Variants in ARMC9 observed in about 807,000 individuals in gnomAD.
ARMC9 encodes armadillo repeat containing 9.
Under a neutral mutation model 107.0 loss-of-function variants are expected in ARMC9, and 94 were observed. The observed-to-expected ratio is 0.88, with a 90% CI of 0.74 to 1.04. The LOEUF is 1.04. ARMC9 is among the 50% of genes least tolerant of loss of function. The pLI is 0.00. For missense variants in ARMC9, 942 were observed against 1,030.1 expected, an observed-to-expected ratio of 0.91 and a Z score of 1.17; for synonymous variants, 380 against 396.9, an observed-to-expected ratio of 0.96 and a Z score of 0.51.
chr2:231,289,413 T>C (rs1318288427), intron 17 of ARMC9, among the ~76,000 whole-genome samples: 1 of 152,194 alleles, frequency 6.6e-6, no homozygotes, highest in African/African-American at 2.4e-5. Context: ...GTTGCAGTGA[T>C]CAGAGATCGT....
At chr2:231,316,597 G>A (rs796202358) in intron 19 of ARMC9, among the ~76,000 whole-genome samples, 23 of 150,638 alleles carry the variant, frequency 1.5e-4, no homozygotes, top group African/African-American at 4.4e-4. Flanking sequence ...GAATTGAGGC[G>A]GAGGTTGCAA....
chr2:231,270,417 C>T (rs1181506203), intron 12 of ARMC9: 1 of 349,284 alleles, frequency 2.9e-6, no homozygotes, highest in Non-Finnish European at 5.6e-6. Context: ...CTTTATTTTT[C>T]TTCAGCTCTT....
chr2:231,249,083 C>T (rs572047104), intron 9 of ARMC9, among the ~76,000 whole-genome samples: 12 of 152,320 alleles, frequency 7.9e-5, no homozygotes, highest in South Asian at 6.2e-4. Flanking sequence ...GCCTCATCTT[C>T]AGGGGCTCAC....
intron 9 of ARMC9, 151 bp downstream of exon 9, chr2:231,240,192 A>G (rs1197957251): frequency 1.4e-6 from 1 of 723,670 alleles, no homozygotes; most frequent in African/African-American, 1.8e-5. Context: ...AGGAAAATAA[A>G]TCTGTTTTTG....
intron 1 of ARMC9, among the ~76,000 whole-genome samples, chr2:231,205,109 T>C (rs1255125139): frequency 6.6e-6 from 1 of 151,748 alleles, no homozygotes; most frequent in Admixed American, 6.6e-5. Flanking sequence ...GGCTCACGCC[T>C]ATAATCCCAG....
chr2:231,342,181 T>C (rs73994574), intron 20 of ARMC9, among the ~76,000 whole-genome samples: 9,266 of 152,296 alleles, frequency 0.061, 460 homozygotes, highest in African/African-American at 0.13. Flanking sequence ...GGGAAGCAGC[T>C]GCACTGCCAG....
In ARMC9 at chr2:231,360,618, C is replaced by G; in HGVS notation, c.2132-136C>G. 1 of 1,387,356 alleles carries G rather than the reference C, an allele frequency of 7.2e-7. No homozygotes were observed. Among genetic ancestry groups the G allele is most frequent in the African/African-American group, 1.4e-5 (1 of 69,540 alleles). 85.9% of individuals were successfully genotyped at this position (1,387,356 alleles called of 1,614,324 possible). On this transcript the variant is annotated intron_variant, in intron 22 of 24. Coordinates refer to ENST00000611582, the MANE Select transcript of ARMC9 (RefSeq NM_001352754.2). This position sits in a 1 kb window ranked among gnomAD's most constrained non-coding sequence, Gnocchi z 4.7. Reference sequence around the variant, plus strand: ...TGCACGAGTAAACAAGTATCCCAAGCCACAGGCGCCAGGGAGCCCGCAGGG... The same window carrying G: ...TGCACGAGTAAACAAGTATCCCAAGGCACAGGCGCCAGGGAGCCCGCAGGG...
At chr2:231,329,472 G>A (rs1056376350) in intron 19 of ARMC9, among the ~76,000 whole-genome samples, 2 of 152,084 alleles carry the variant, frequency 1.3e-5, no homozygotes, top group African/African-American at 2.4e-5. Flanking sequence ...ACCACGCCCA[G>A]CTAATTTTGT....
At chr2:231,244,028 C>G (rs144729314) in intron 9 of ARMC9, among the ~76,000 whole-genome samples, 2 of 152,234 alleles carry the variant, frequency 1.3e-5, no homozygotes, top group East Asian at 3.9e-4. Context: ...CTTCATAGAG[C>G]GGTCTTGGGT....
intron 8 of ARMC9, among the ~76,000 whole-genome samples, chr2:231,239,079 T>C (rs1480749199): frequency 1.3e-5 from 2 of 152,168 alleles, no homozygotes; most frequent in Admixed American, 6.6e-5. Context: ...CTATTTTCAA[T>C]TATCATGCCT....
rs1285695552 is a variant in ARMC9, at chr2:231,360,682, C to T, written c.2132-72C>T. On this transcript the variant is annotated intron_variant, in intron 22 of 24. Transcript: ENST00000611582. The surrounding 1 kb of genome is among the most constrained non-coding windows in gnomAD (Gnocchi z 4.7). Reference sequence around the variant, plus strand: ...GCGTGCTTTTCTTGGCTTTCCAACCCAGCCCACGAGAGGGCATCCTTAGAG... The same window carrying T: ...GCGTGCTTTTCTTGGCTTTCCAACCTAGCCCACGAGAGGGCATCCTTAGAG... 1 of 1,534,900 alleles carries T rather than the reference C, an allele frequency of 6.5e-7. No homozygotes were observed. Among genetic ancestry groups the T allele is most frequent in the East Asian group, 2.4e-5 (1 of 40,904 alleles).
chr2:231,211,949 C>T (rs1453743921), intron 3 of ARMC9, among the ~76,000 whole-genome samples: 1 of 152,034 alleles, frequency 6.6e-6, no homozygotes, highest in Non-Finnish European at 1.5e-5. Flanking sequence ...GCTGTGTCCC[C>T]CACTATGGTA....
chr2:231,312,278 G>GA (rs1405267346), intron 19 of ARMC9, among the ~76,000 whole-genome samples: 28 of 152,200 alleles, frequency 1.8e-4, no homozygotes, highest in Admixed American at 2.6e-4. Context: ...CAGTGAGCTG[G>GA]AACTGGGCAT....
chr2:231,316,263 GT>G (rs1183699607), intron 19 of ARMC9, among the ~76,000 whole-genome samples: 11 of 143,902 alleles, frequency 7.6e-5, no homozygotes, highest in Admixed American at 3.5e-4. Flanking sequence ...ATTCTGTTTT[GT>G]TTTTTTTTTA....
chr2:231,363,968 T>G (rs1187046977), intron 23 of ARMC9, among the ~76,000 whole-genome samples: 6 of 151,916 alleles, frequency 3.9e-5, no homozygotes, highest in Non-Finnish European at 8.8e-5. Flanking sequence ...ATTTTCCTTT[T>G]CCTTTGTCAG....
Position 231,235,277 on chromosome 2 carries a change from A to G in ARMC9, c.676A>G (p.Thr226Ala), listed in dbSNP as rs781546698. Residue 226 changes from threonine (T) to alanine (A), a missense_variant, in exon 8 of 25, where the codon ACA (threonine) becomes GCA (alanine). Transcript: ENST00000611582. ...GGTTGAAGCTGAACGTAGGTCAGTG[A>G]CATACCTCAAACGGTACAATAAGAT... ...QLVEAERRSV[T>A]YLKRYNKIQA... 1.4e-5 allele frequency: 23 copies of G among 1,614,108 alleles called. No homozygotes were observed. The highest frequency in any genetic ancestry group is 1.9e-5 in the Non-Finnish European group (22 of 1,180,038).
intron 9 of ARMC9, 106 bp from the exon 10 acceptor site, chr2:231,256,480 C>G: frequency 7.1e-7 from 1 of 1,410,266 alleles, no homozygotes; most frequent in Non-Finnish European, 9.9e-7. Context: ...ACCCAAAAAA[C>G]CTAACTTGCA....
chr2:231,278,094 A>T (rs552428619), intron 15 of ARMC9, among the ~76,000 whole-genome samples: 5 of 152,074 alleles, frequency 3.3e-5, no homozygotes, highest in Admixed American at 6.6e-5. Flanking sequence ...ACCACTTGGG[A>T]TGGTTTACTG....
At chr2:231,357,500 T>C (rs538420673) in intron 22 of ARMC9, among the ~76,000 whole-genome samples, 36 of 152,330 alleles carry the variant, frequency 2.4e-4, no homozygotes, top group Middle Eastern at 3.4e-3. Flanking sequence ...GAATAGTCAC[T>C]GCCCTCCCTG....
Sources: gnomAD v4.1 joint callset for allele counts (sites outside exome capture counted in the v4.1 genomes callset) on GRCh38, gnomAD v4.1.1 for gene constraint, Gnocchi (gnomAD v3.1) non-coding constraint, MANE v1.5 for transcripts, NCBI Gene and HGNC (gene_info 2026-07-23, HGNC 2026-07-21) for gene names.